The following KCNAB2 variants were observed in gnomAD, a reference collection of about 807,000 sequenced individuals.
KCNAB2 encodes the protein potassium voltage-gated channel subfamily A regulatory beta subunit 2.
A neutral mutation model predicts 63.6 loss-of-function variants in KCNAB2; 29 were observed. The ratio of observed to expected loss-of-function variants is 0.46; its 90% CI spans 0.34 to 0.62. The LOEUF (loss-of-function observed/expected upper bound fraction) is 0.62, where lower values mean the gene tolerates loss of function less well. Ranked by LOEUF, KCNAB2 falls within the 20% of genes least tolerant of loss-of-function variation. The pLI is 0.01. For missense variants in KCNAB2, 359 were observed against 563.9 expected, an observed-to-expected ratio of 0.64 and a Z score of 3.68; for synonymous variants, 222 against 224.2, an observed-to-expected ratio of 0.99 and a Z score of 0.09.
upstream of KCNAB2, among the ~76,000 whole-genome samples, chr1:6,033,178 G>T (rs1183387423): frequency 2.0e-5 from 3 of 152,078 alleles, no homozygotes; most frequent in African/African-American, 7.2e-5. Context: ...ACAGTTCAGA[G>T]AAAAGTGTGT....
chr1:6,002,826 G>A lies in KCNAB2; in HGVS notation c.-53+10038G>A, dbSNP rs367669958. Among the ~76,000 whole-genome samples the A allele has an allele frequency of 3.3e-4, 50 of 152,260 alleles. No individual in the cohort carries two copies. In the South Asian group the frequency reaches 3.3e-3, roughly 10 times the overall value. On this transcript the variant is annotated intron_variant, in intron 1 of 16. Transcript: ENST00000341524. ...GGAAGAGGAGGCAGGCGCTTCACCC[G>A]ACTCTGGACGACGCTGACAGCAGTG... is the stretch of plus-strand genomic sequence containing the variant.
At chr1:5,998,754 C>G (rs1206033402) in intron 1 of KCNAB2, among the ~76,000 whole-genome samples, 2 of 152,194 alleles carry the variant, frequency 1.3e-5, no homozygotes, top group Non-Finnish European at 2.9e-5. Context: ...GGGCGCAGGA[C>G]CCCAGATTCA....
upstream of KCNAB2, chr1:6,045,803 G>T: frequency 1.5e-6 from 1 of 655,994 alleles, no homozygotes; most frequent in Non-Finnish European, 1.9e-6. This position sits in a 1 kb window ranked among gnomAD's most constrained non-coding sequence, Gnocchi z 4.8. Context: ...GGCACGCGGG[G>T]ATGGTGGAGG....
At chr1:6,008,965 T>C (rs1195575784) in intron 1 of KCNAB2, among the ~76,000 whole-genome samples, 1 of 152,154 alleles carries the variant, frequency 6.6e-6, no homozygotes, top group Non-Finnish European at 1.5e-5. Flanking sequence ...CAGTGAAAGC[T>C]GTAAAGCAGG....
intron 1 of KCNAB2, among the ~76,000 whole-genome samples, chr1:6,023,075 T>C (rs1658939943): frequency 6.6e-6 from 1 of 151,994 alleles, no homozygotes; most frequent in South Asian, 2.1e-4. Context: ...AGAGACGGGG[T>C]TTCGCCATGT....
chr1:6,048,312 G>A (rs150906174), intron 1 of KCNAB2, among the ~76,000 whole-genome samples: 102 of 152,192 alleles, frequency 6.7e-4, no homozygotes, highest in African/African-American at 2.4e-3. Flanking sequence ...CTTATCCCAC[G>A]CCCCCCAACA....
In KCNAB2 at chr1:5,994,381, G is replaced by C. The variant is rs779823075; in HGVS notation, c.-53+1593G>C. ...GCTCCTGGCCCTGTGCTCTCGCAGT[G>C]TGGGGCCCTAAGAGTGCACTTGGTC... On this transcript the variant is annotated intron_variant, in intron 1 of 16. Transcript: ENST00000341524. This position sits in a 1 kb window ranked among gnomAD's most constrained non-coding sequence, Gnocchi z 5.4. 2.6e-5 allele frequency among the ~76,000 whole-genome samples: 4 copies of C among 152,242 alleles called. No homozygotes were observed. The highest frequency in any genetic ancestry group is 5.9e-5 in the Non-Finnish European group (4 of 68,052).
At position 6,086,464 on chromosome 1, in the gene KCNAB2, G is replaced by C; in HGVS notation, c.426-1003G>C. 3.5e-6 allele frequency: 3 copies of C among 851,772 alleles called. No homozygotes were observed. The highest frequency in any genetic ancestry group is 4.2e-6 in the Non-Finnish European group (3 of 708,070). 52.8% of individuals were successfully genotyped at this position (851,772 alleles called of 1,614,324 possible). A position where few individuals can be genotyped will look rare whatever the true frequency, so the allele number is the denominator to read the frequency against. On this transcript the variant is annotated intron_variant, in intron 6 of 15. Transcript: ENST00000378083. This position sits in a 1 kb window ranked among gnomAD's most constrained non-coding sequence, Gnocchi z 4.2. ...ACGCTGCCTCTGCCAGAGCTCTGTGGCCGATGCTTCGGGGCAGAGGAGGCC... is the reference window on the plus strand; with the variant it reads ...ACGCTGCCTCTGCCAGAGCTCTGTGCCCGATGCTTCGGGGCAGAGGAGGCC...
rs917959168 is a variant in KCNAB2, at chr1:6,048,725, G to C, written c.-27+2542G>C. Among the ~76,000 whole-genome samples, 52 of 152,370 alleles carry C rather than the reference G, an allele frequency of 3.4e-4. 2 individuals carry two copies. Among genetic ancestry groups the C allele is most frequent in the African/African-American group, 1.2e-3 (49 of 41,590 alleles). The stretch of plus-strand genomic sequence containing the variant: ...CCTGGGGCTACAGCCTGCCCAGCTG[G>C]CCTTCTTTCTAAACACAGACCTCAG... On this transcript the variant is annotated intron_variant, in intron 1 of 15. Coordinates refer to ENST00000378083, the MANE Select transcript of KCNAB2 (RefSeq NM_001199862.2).
chr1:6,085,459 A>T (rs1571073576), intron 6 of KCNAB2, among the ~76,000 whole-genome samples: 1 of 151,712 alleles, frequency 6.6e-6, no homozygotes, highest in South Asian at 2.1e-4. Flanking sequence ...TACACTGTCC[A>T]CCCCCACCCT....
intron 1 of KCNAB2, among the ~76,000 whole-genome samples, chr1:6,013,143 G>C (rs920208011): frequency 6.6e-6 from 1 of 152,096 alleles, no homozygotes; most frequent in Non-Finnish European, 1.5e-5. Context: ...TGTTCAGAGC[G>C]GGCTGAGACA....
At chr1:6,072,913 A>G (rs1557483080) in intron 3 of KCNAB2, 115 bp downstream of exon 3, 2 of 877,938 alleles carry the variant, frequency 2.3e-6, no homozygotes, top group Non-Finnish European at 3.5e-6. Context: ...GGCACTCCCC[A>G]GGGAGTAGCT....
chr1:6,025,195 C>T (rs1345083455), intron 1 of KCNAB2, among the ~76,000 whole-genome samples: 4 of 152,064 alleles, frequency 2.6e-5, no homozygotes, highest in African/African-American at 9.7e-5. Context: ...TTTATCCTGC[C>T]GGGAACACAC....
intron 1 of KCNAB2, among the ~76,000 whole-genome samples, chr1:6,006,711 CTCACTCCTCAGCTCAGCT>C (rs1657810788): frequency 9.0e-6 from 1 of 110,608 alleles, no homozygotes; most frequent in African/African-American, 3.3e-5. Flanking sequence ...CCACTTCACC[CTCACTCCTCAGCTCAGCT>C]CCCACATTCC....
At chr1:6,057,618 C>T (rs941550703) in intron 2 of KCNAB2, among the ~76,000 whole-genome samples, 1 of 152,192 alleles carries the variant, frequency 6.6e-6, no homozygotes, top group Non-Finnish European at 1.5e-5. Context: ...TGGTTTACAA[C>T]AGAAGCTTTT....
chr1:6,098,458 C>T, intron 15 of KCNAB2, 27 bp from the exon 16 acceptor site: 1 of 1,613,004 alleles, frequency 6.2e-7, no homozygotes. Context: ...TGGTGGGATT[C>T]TGATTTGTTG....
chr1:6,096,232 C>T lies in KCNAB2; in HGVS notation c.949-404C>T, dbSNP rs770127107. The T allele has an allele frequency of 4.5e-6, 2 of 448,506 alleles. No homozygotes were observed. The highest frequency in any genetic ancestry group is 8.9e-6 in the Non-Finnish European group (2 of 224,522). 27.8% of individuals were successfully genotyped at this position (448,506 alleles called of 1,614,324 possible). Reference sequence around the variant, plus strand: ...CAGGGCCCCCCTCCAGGAGGCCCTGCAATCCTCTGGGGGGGATGGCCAGGG... The same window carrying T: ...CAGGGCCCCCCTCCAGGAGGCCCTGTAATCCTCTGGGGGGGATGGCCAGGG... On this transcript the variant is annotated intron_variant, in intron 13 of 15. Transcript: ENST00000378083. The surrounding 1 kb of genome is among the most constrained non-coding windows in gnomAD (Gnocchi z 5.9).
At position 6,099,932 on chromosome 1, in the gene KCNAB2, C is replaced by T. The variant is rs1377464015; in HGVS notation, c.*1358C>T. 3.9e-6 allele frequency: 6 copies of T among 1,550,430 alleles called. No individual in the cohort carries two copies. Among genetic ancestry groups the T allele is most frequent in the Non-Finnish European group, 5.2e-6 (6 of 1,146,932 alleles). On this transcript the variant is annotated 3_prime_UTR_variant, in exon 16 of 16. Transcript: ENST00000378083. ...AGGTGCGGGGTGCCACCTACAGGCCCAGGCCTGTGTCCCAAGCAGTACCCA... is the reference window on the plus strand; with the variant it reads ...AGGTGCGGGGTGCCACCTACAGGCCTAGGCCTGTGTCCCAAGCAGTACCCA...
At chr1:6,025,293 T>G (rs1295106) in intron 1 of KCNAB2, among the ~76,000 whole-genome samples, 147,106 of 152,256 alleles carry the variant, frequency 0.97, 71,106 homozygotes, top group East Asian at 1. Context: ...CACACACGGG[T>G]GTGGCCTGGG....
Sources: allele counts gnomAD v4.1 joint callset (sites outside exome capture counted in the v4.1 genomes callset), GRCh38; gene constraint gnomAD v4.1.1; non-coding constraint Gnocchi (gnomAD v3.1); transcripts MANE v1.5; gene names NCBI Gene and HGNC (gene_info 2026-07-23, HGNC 2026-07-21).